DLG2: variants seen among roughly 807,000 people sequenced by gnomAD.
The protein encoded by DLG2 is discs large MAGUK scaffold protein 2.
Under a neutral mutation model 132.5 loss-of-function variants are expected in DLG2, and 45 were observed. That is an observed-to-expected ratio of 0.34 (90% confidence interval 0.27 to 0.44). The LOEUF (loss-of-function observed/expected upper bound fraction) is 0.44. Ranked by LOEUF, DLG2 falls within the 20% of genes least tolerant of loss-of-function variation. The pLI, the probability that DLG2 is intolerant of heterozygous loss-of-function variation, is 1.00. For synonymous variants in DLG2, 424 were observed against 419.6 expected (o/e 1.01, Z -0.13); for missense variants, 1,045 against 1,196.9 (o/e 0.87, Z 1.87).
At chr11:84,092,766 G>A (rs981102411) in intron 10 of DLG2, among the ~76,000 whole-genome samples, 2 of 152,070 alleles carry the variant, frequency 1.3e-5, no homozygotes, top group African/African-American at 2.4e-5. Flanking sequence ...GGCTGGGTAC[G>A]GTGGCTCACA....
intron 3 of DLG2, among the ~76,000 whole-genome samples, chr11:85,527,107 A>T (rs2455909): frequency 6.6e-6 from 1 of 152,158 alleles, no homozygotes; most frequent in Admixed American, 6.5e-5. Context: ...AATTAACAAC[A>T]AACACATGAA....
intron 3 of DLG2, among the ~76,000 whole-genome samples, chr11:85,366,205 C>T (rs1339792648): frequency 2.0e-5 from 3 of 152,132 alleles, no homozygotes; most frequent in Non-Finnish European, 2.9e-5. Flanking sequence ...TATGAGAAAC[C>T]TGTTGATTTA....
chr11:85,626,239 G>A (rs2082021949), intron 2 of DLG2, among the ~76,000 whole-genome samples: 1 of 152,280 alleles, frequency 6.6e-6, no homozygotes. Context: ...AACCCATGAG[G>A]AAGAGCTCCA....
chr11:84,753,756 G>A (rs1401642487), intron 6 of DLG2, among the ~76,000 whole-genome samples: 2 of 152,190 alleles, frequency 1.3e-5, no homozygotes, highest in African/African-American at 4.8e-5. Flanking sequence ...AGCATCACTA[G>A]AAGGCTAAGC....
intron 19 of DLG2, among the ~76,000 whole-genome samples, chr11:83,557,726 CA>C (rs1384346312): frequency 2.0e-5 from 3 of 151,984 alleles, no homozygotes; most frequent in African/African-American, 7.3e-5. Flanking sequence ...TCAAATCTGC[CA>C]AAAAGAAAGC....
intron 5 of DLG2, among the ~76,000 whole-genome samples, chr11:85,142,813 A>C (rs2076585815): frequency 6.6e-6 from 1 of 151,586 alleles, no homozygotes; most frequent in East Asian, 1.9e-4. Flanking sequence ...CATCAAATGA[A>C]ATATGGTTTT....
At chr11:84,762,581 T>G (rs1409250261) in intron 6 of DLG2, among the ~76,000 whole-genome samples, 2 of 152,202 alleles carry the variant, frequency 1.3e-5, no homozygotes, top group African/African-American at 4.8e-5. Flanking sequence ...ACAACAAGCA[T>G]AGAGAGGCAA....
intron 21 of DLG2, among the ~76,000 whole-genome samples, chr11:83,484,560 G>C (rs928452178): frequency 1.1e-4 from 17 of 152,010 alleles, no homozygotes; most frequent in African/African-American, 4.1e-4. Flanking sequence ...CATCACCTTA[G>C]AAAGGGAATT....
At position 84,774,058 on chromosome 11, in the gene DLG2, C is replaced by G. The variant is rs528579641; in HGVS notation, c.358-239327G>C. The stretch of plus-strand genomic sequence containing the variant: ...ACCCTAAAGATTTCAATAAAAGACT[C>G]TTGGAACTGATAAAAGACTTCAGTA... On this transcript the variant is annotated intron_variant, in intron 6 of 27. Transcript: ENST00000376104. Among the ~76,000 whole-genome samples, 4 of 152,182 alleles carry G rather than the reference C, an allele frequency of 2.6e-5. No individual in the cohort carries two copies. In the East Asian group the frequency reaches 7.7e-4, roughly 29 times the overall value.
intron 3 of DLG2, among the ~76,000 whole-genome samples, chr11:85,454,764 C>G (rs2092365531): frequency 6.6e-6 from 1 of 152,082 alleles, no homozygotes; most frequent in African/African-American, 2.4e-5. Context: ...GCCAGTTATC[C>G]CACCACTATT....
intron 18 of DLG2, among the ~76,000 whole-genome samples, chr11:83,734,359 C>A (rs2091538631): frequency 8.9e-6 from 1 of 112,496 alleles, no homozygotes; most frequent in Admixed American, 8.2e-5. Flanking sequence ...TTCCTTCCTT[C>A]CTTCCTTCCT....
chr11:84,653,482 G>T (rs925810749), intron 6 of DLG2, among the ~76,000 whole-genome samples: 1 of 152,042 alleles, frequency 6.6e-6, no homozygotes, highest in Non-Finnish European at 1.5e-5. Flanking sequence ...CCATATTCCT[G>T]CCTCCAGTAA....
In DLG2 at chr11:84,321,943, C is replaced by T. The variant is rs189377316; in HGVS notation, c.520-70652G>A. ...ATTAAACACTCATTTAGCACCTGTG[C>T]TTCTCTATTACAACACTTAACAAAA... On this transcript the variant is annotated intron_variant, in intron 7 of 27. Coordinates refer to ENST00000376104, the MANE Select transcript of DLG2 (RefSeq NM_001142699.3). Among the ~76,000 whole-genome samples, 5 of 152,300 alleles carry T rather than the reference C, an allele frequency of 3.3e-5. No individual in the cohort carries two copies. In the East Asian group the frequency reaches 9.7e-4, roughly 29 times the overall value.
chr11:84,224,893 C>T (rs1270627268), intron 8 of DLG2, among the ~76,000 whole-genome samples: 1 of 152,174 alleles, frequency 6.6e-6, no homozygotes, highest in Non-Finnish European at 1.5e-5. Flanking sequence ...GTCTTATCCC[C>T]ATGGATTGTT....
intron 3 of DLG2, among the ~76,000 whole-genome samples, chr11:85,467,122 G>T (rs762678051): frequency 1.4e-4 from 22 of 152,180 alleles, no homozygotes; most frequent in Non-Finnish European, 2.9e-4. Context: ...GTCTGTTATG[G>T]GTGTATAAGA....
At chr11:85,348,469 C>T (rs915613639) in intron 3 of DLG2, among the ~76,000 whole-genome samples, 4 of 151,822 alleles carry the variant, frequency 2.6e-5, no homozygotes, top group South Asian at 2.1e-4. Flanking sequence ...GTGATCCGCC[C>T]GCCTCGACCT....
chr11:84,467,317 G>A (rs2099097131), intron 7 of DLG2, among the ~76,000 whole-genome samples: 1 of 151,290 alleles, frequency 6.6e-6, no homozygotes, highest in Non-Finnish European at 1.5e-5. Context: ...TATTCTAAAA[G>A]TTGCTAGTTA....
chr11:85,106,790 T>G (rs1205894962), intron 6 of DLG2, among the ~76,000 whole-genome samples: 1 of 151,944 alleles, frequency 6.6e-6, no homozygotes, highest in Non-Finnish European at 1.5e-5. Context: ...AGTGGAAGAG[T>G]TAATACTTTA....
intron 15 of DLG2, among the ~76,000 whole-genome samples, chr11:83,897,816 A>G (rs917793935): frequency 6.6e-6 from 1 of 152,206 alleles, no homozygotes; most frequent in South Asian, 2.1e-4. Flanking sequence ...AATAATAATG[A>G]GAATACATAC....
Sources: gnomAD v4.1 joint callset for allele counts (sites outside exome capture counted in the v4.1 genomes callset) on GRCh38, gnomAD v4.1.1 for gene constraint, MANE v1.5 for transcripts, NCBI Gene and HGNC (gene_info 2026-07-23, HGNC 2026-07-21) for gene names.